PTPRC: variants seen among roughly 807,000 people sequenced by gnomAD.
The protein encoded by PTPRC is receptor-type tyrosine-protein phosphatase C.
Under a neutral mutation model 155.9 loss-of-function variants are expected in PTPRC, and 44 were observed. The observed-to-expected ratio is 0.28, with a 90% CI of 0.22 to 0.36. PTPRC has a LOEUF of 0.36. PTPRC is among the 10% of genes least tolerant of loss of function. PTPRC has a pLI of 1.00. For missense variants in PTPRC, 1,401 were observed against 1,564.6 expected (o/e 0.90, Z 1.76); for synonymous variants, 525 against 533.1 (o/e 0.98, Z 0.21).
chr1:198,642,083 G>C (rs976852890), intron 2 of PTPRC, among the ~76,000 whole-genome samples: 3 of 151,968 alleles, frequency 2.0e-5, no homozygotes, highest in African/African-American at 7.2e-5. Flanking sequence ...CATTGCTAAA[G>C]TTTGAAATGT....
intron 15 of PTPRC, among the ~76,000 whole-genome samples, chr1:198,724,765 G>T (rs575985644): frequency 1.1e-4 from 16 of 149,732 alleles, no homozygotes; most frequent in Non-Finnish European, 1.9e-4. Flanking sequence ...CTTTATTCTT[G>T]GTCTTACCTG....
intron 2 of PTPRC, among the ~76,000 whole-genome samples, chr1:198,656,414 A>G (rs916980793): frequency 5.3e-5 from 8 of 152,138 alleles, no homozygotes; most frequent in African/African-American, 1.4e-4. Flanking sequence ...TAGAAGAAAT[A>G]GCAATCTATT....
chr1:198,660,385 G>C (rs767488927), intron 2 of PTPRC, among the ~76,000 whole-genome samples: 5 of 151,648 alleles, frequency 3.3e-5, no homozygotes, highest in Non-Finnish European at 7.4e-5. Context: ...CCTATGATTT[G>C]CACATTTATC....
Position 198,744,346 on chromosome 1 carries a change from G to A in PTPRC, c.2847+143G>A, listed in dbSNP as rs545045684. Reference sequence around the variant, plus strand: ...AAAGGAGCACAGATGAGAAAACTAGGACACAGTGAGTTAAGAGAAATGCCT... The same window carrying A: ...AAAGGAGCACAGATGAGAAAACTAGAACACAGTGAGTTAAGAGAAATGCCT... On this transcript the variant is annotated intron_variant, in intron 26 of 32. Transcript: ENST00000442510. 218 of 812,302 alleles carry A rather than the reference G, an allele frequency of 2.7e-4. 2 individuals are homozygous for A. The highest frequency in any genetic ancestry group is 4.0e-4 in the Non-Finnish European group (198 of 492,316). 50.3% of individuals were successfully genotyped at this position (812,302 alleles called of 1,614,324 possible).
intron 2 of PTPRC, chr1:198,660,818 A>G (rs1304408843): frequency 6.6e-6 from 1 of 152,118 alleles, no homozygotes; most frequent in African/African-American, 2.4e-5. Context: ...AATGCATTAT[A>G]TTCTTGCACT....
At chr1:198,702,317 G>A in intron 5 of PTPRC, 70 bp from the exon 6 acceptor site, 1 of 1,594,268 alleles carries the variant, frequency 6.3e-7, no homozygotes, top group Non-Finnish European at 8.6e-7. Flanking sequence ...TTGTGTTTAT[G>A]TTGGCTATCT....
Position 198,718,120 on chromosome 1 carries a change from G to A in PTPRC, c.1477G>A (p.Val493Ile), listed in dbSNP as rs545961977. The change falls in exon 14 of 33, where the codon GTC (valine) becomes ATC (isoleucine). Residue 493 changes from valine (V) to isoleucine (I), a missense_variant. Physicochemically the swap from Val to Ile is conservative, Grantham distance 29 (BLOSUM62 3). Coordinates refer to ENST00000442510, the MANE Select transcript of PTPRC (RefSeq NM_002838.5). Reference sequence around the variant, plus strand: ...TCCAAGCCAGGTCTGGAACATGACTGTCTCCATGACATCAGATAATAGTAT... The same window carrying A: ...TCCAAGCCAGGTCTGGAACATGACTATCTCCATGACATCAGATAATAGTAT... ...APPSQVWNMT[V>I]SMTSDNSMHV... is the part of the protein sequence containing the mutation. 5.0e-6 allele frequency: 8 copies of A among 1,613,574 alleles called. No individual in the cohort carries two copies. The highest frequency in any genetic ancestry group is 3.3e-5 in the South Asian group (3 of 91,050).
In PTPRC at chr1:198,654,814, G is replaced by T. The variant is rs1420221621; in HGVS notation, c.73+15473G>T. On this transcript the variant is annotated intron_variant, in intron 2 of 32. Coordinates refer to ENST00000442510, the MANE Select transcript of PTPRC (RefSeq NM_002838.5). ...TTTTACAATATTTTATAGAAAACAT[G>T]AATATTAAAGTGAAAATTTAAACAC... 3.3e-5 allele frequency among the ~76,000 whole-genome samples: 5 copies of T among 151,780 alleles called. No individual in the cohort carries two copies. The East Asian group carries it at 9.7e-4, about 29-fold the overall frequency.
chr1:198,707,095 TTTCTGCTG>T (rs2102412717), intron 9 of PTPRC, 143 bp downstream of exon 9: 1 of 689,054 alleles, frequency 1.5e-6, no homozygotes, highest in Non-Finnish European at 2.5e-6. Flanking sequence ...GTGGGTGAAC[TTTCTGCTG>T]TCTTAACCAA....
intron 2 of PTPRC, 70 bp from the exon 3 acceptor site, chr1:198,692,277 C>T (rs1289540653): frequency 1.7e-6 from 2 of 1,160,082 alleles, no homozygotes; most frequent in Non-Finnish European, 2.4e-6. Context: ...ATATAAAAAT[C>T]TAATATATGT....
chr1:198,666,065 T>C (rs1664286257), intron 2 of PTPRC, among the ~76,000 whole-genome samples: 1 of 151,568 alleles, frequency 6.6e-6, no homozygotes, highest in Admixed American at 6.6e-5. Flanking sequence ...ACATGGCAAA[T>C]CCCATCTCTA....
chr1:198,723,718 A>G (rs1000504746), intron 15 of PTPRC, among the ~76,000 whole-genome samples: 6 of 152,240 alleles, frequency 3.9e-5, no homozygotes, highest in Non-Finnish European at 8.8e-5. Context: ...AAAGCACAGC[A>G]TGCTAGCAAG....
At chr1:198,665,086 T>A (rs199769587) in intron 2 of PTPRC, among the ~76,000 whole-genome samples, 4 of 120,138 alleles carry the variant, frequency 3.3e-5, no homozygotes, top group East Asian at 2.4e-4. Flanking sequence ...CAGCATTTTT[T>A]TTTTTTTTTT....
In PTPRC at chr1:198,712,879, A is replaced by G; in HGVS notation, c.1172-74A>G. ...GTCAAAATATGGTTATCAATAATGC[A>G]TGCTTATAATATGAAGAATGCTTTA... On this transcript the variant is annotated intron_variant, in intron 11 of 32. Transcript: ENST00000442510. 3.5e-6 allele frequency: 5 copies of G among 1,439,194 alleles called. No homozygotes were observed. In the African/African-American group the frequency reaches 5.6e-5, roughly 16 times the overall value. The allele number at this position is 1,439,194 out of a possible 1,614,324, so 89.2% of individuals were successfully genotyped here.
intron 2 of PTPRC, among the ~76,000 whole-genome samples, chr1:198,660,024 TATGTCC>T (rs1478134234): frequency 5.6e-4 from 58 of 103,878 alleles, no homozygotes; most frequent in African/African-American, 2.2e-3. Context: ...TGTCCATATA[TATGTCC>T]ATATATATAT....
At chr1:198,694,083 G>T (rs1344830382) in intron 3 of PTPRC, 11 of 1,549,202 alleles carry the variant, frequency 7.1e-6, no homozygotes, top group Non-Finnish European at 9.6e-6. Context: ...TAGGGAAGCT[G>T]ACAGTTCAGC....
intron 2 of PTPRC, among the ~76,000 whole-genome samples, chr1:198,687,995 A>G (rs926812566): frequency 6.6e-6 from 1 of 152,150 alleles, no homozygotes; most frequent in Non-Finnish European, 1.5e-5. Context: ...CCATGAGAAC[A>G]AGCAAGTTGA....
chr1:198,715,887 T>C (rs538562609), intron 12 of PTPRC, among the ~76,000 whole-genome samples: 146 of 152,324 alleles, frequency 9.6e-4, no homozygotes, highest in African/African-American at 3.4e-3. Context: ...TCCTCTTTCC[T>C]GATGTCACTT....
intron 23 of PTPRC, among the ~76,000 whole-genome samples, chr1:198,740,423 C>CA (rs1054838655): frequency 4.2e-4 from 64 of 151,520 alleles, no homozygotes; most frequent in Non-Finnish European, 1.2e-4. Context: ...ACTAAAAATA[C>CA]AAAAAAATAT....
Sources: allele counts gnomAD v4.1 joint callset (sites outside exome capture counted in the v4.1 genomes callset), GRCh38; gene constraint gnomAD v4.1.1; transcripts MANE v1.5; gene names NCBI Gene and HGNC (gene_info 2026-07-23, HGNC 2026-07-21).